C10orf90: variants seen among roughly 807,000 people sequenced by gnomAD.
The protein encoded by C10orf90 is (E2-independent) E3 ubiquitin-conjugating enzyme FATS.
In C10orf90, 56 loss-of-function variants were observed where a neutral mutation model predicts 62.5. That is an observed-to-expected ratio of 0.90 (90% CI 0.72 to 1.12). The LOEUF (loss-of-function observed/expected upper bound fraction) is 1.12, where lower values mean the gene tolerates loss of function less well. C10orf90 is among the 50% of genes most tolerant of loss of function. C10orf90 has a pLI of 0.00. For synonymous variants in C10orf90, 386 were observed against 340.4 expected (o/e 1.13, Z -1.47); for missense variants, 970 against 880.4 (o/e 1.10, Z -1.29).
At chr10:126,524,727 G>A (rs1421333749) in intron 2 of C10orf90, 4 of 985,546 alleles carry the variant, frequency 4.1e-6, no homozygotes, top group South Asian at 4.7e-5. Context: ...GGCAAGGAGT[G>A]CACGCACCTG....
intron 1 of C10orf90, among the ~76,000 whole-genome samples, chr10:126,649,538 C>T (rs1371883987): frequency 6.6e-6 from 1 of 152,172 alleles, no homozygotes; most frequent in Non-Finnish European, 1.5e-5. Context: ...CTTCCTGGTC[C>T]TTCTGGAGCT....
At chr10:126,557,900 C>T (rs1564870747) in intron 2 of C10orf90, among the ~76,000 whole-genome samples, 1 of 151,818 alleles carries the variant, frequency 6.6e-6, no homozygotes, top group Non-Finnish European at 1.5e-5. Flanking sequence ...ATGCCTCCTC[C>T]CGACTCCTCC....
At chr10:126,457,420 G>A (rs913447279) in intron 7 of C10orf90, among the ~76,000 whole-genome samples, 1 of 152,208 alleles carries the variant, frequency 6.6e-6, no homozygotes, top group East Asian at 1.9e-4. Flanking sequence ...GTGGCTGGCA[G>A]AATGGCACAG....
intron 4 of C10orf90, among the ~76,000 whole-genome samples, chr10:126,503,433 TACACGCAC>T (rs1196490072): frequency 2.0e-5 from 3 of 152,210 alleles, no homozygotes; most frequent in African/African-American, 7.2e-5. Flanking sequence ...ATAATTATTA[TACACGCAC>T]ACACGCACAC....
chr10:126,608,182 C>T (rs968242499), intron 2 of C10orf90, among the ~76,000 whole-genome samples: 4 of 152,194 alleles, frequency 2.6e-5, no homozygotes, highest in Admixed American at 6.5e-5. Context: ...CATCAGGGCT[C>T]ACTGCAGCCT....
At chr10:126,611,922 G>A (rs1488355562) in intron 2 of C10orf90, among the ~76,000 whole-genome samples, 1 of 152,142 alleles carries the variant, frequency 6.6e-6, no homozygotes, top group Non-Finnish European at 1.5e-5. Flanking sequence ...GTCCAATATG[G>A]TAACCACTAA....
At position 126,605,946 on chromosome 10, in the gene C10orf90, T is replaced by TCTAA. The variant is rs773274447; in HGVS notation, c.313+40618_313+40619insTTAG. 5.3e-5 allele frequency among the ~76,000 whole-genome samples: 8 copies of TCTAA among 152,230 alleles called. No individual in the cohort carries two copies. The South Asian group carries it at 1.2e-3, about 24-fold the overall frequency. ...GCAGCACTAAAAAAAGAAAAGACTG[T>TCTAA]CTGAAATATGATCCTTAAATTTAAC... On this transcript the variant is annotated intron_variant, in intron 2 of 9. Coordinates refer to ENST00000488181, the MANE Select transcript of C10orf90 (RefSeq NM_001350921.2).
intron 2 of C10orf90, among the ~76,000 whole-genome samples, chr10:126,517,684 G>A (rs930758383): frequency 1.3e-5 from 2 of 152,148 alleles, no homozygotes; most frequent in East Asian, 3.9e-4. Flanking sequence ...GGCCAAGGCA[G>A]GTGGATCATG....
intron 2 of C10orf90, among the ~76,000 whole-genome samples, chr10:126,639,479 C>G (rs1000509467): frequency 6.6e-6 from 1 of 152,136 alleles, no homozygotes; most frequent in African/African-American, 2.4e-5. Flanking sequence ...ACACCCATGG[C>G]GAGGTAGAAG....
intron 2 of C10orf90, among the ~76,000 whole-genome samples, chr10:126,646,138 T>C (rs1846166486): frequency 6.6e-6 from 1 of 152,228 alleles, no homozygotes; most frequent in Non-Finnish European, 1.5e-5. Flanking sequence ...CTAGCGTTTT[T>C]ACAGTTTAGT....
At chr10:126,634,426 T>C (rs963596719) in intron 2 of C10orf90, among the ~76,000 whole-genome samples, 1 of 152,126 alleles carries the variant, frequency 6.6e-6, no homozygotes, top group African/African-American at 2.4e-5. Context: ...GCAGAATTCA[T>C]AGAGTCAAAA....
intron 1 of C10orf90, among the ~76,000 whole-genome samples, chr10:126,668,292 C>G (rs571643522): frequency 2.0e-5 from 3 of 152,274 alleles, no homozygotes; most frequent in South Asian, 2.1e-4. Flanking sequence ...TCCCAGAGAC[C>G]CTGCTCATTT....
intron 2 of C10orf90, among the ~76,000 whole-genome samples, chr10:126,609,063 C>T (rs936569358): frequency 6.6e-6 from 1 of 152,166 alleles, no homozygotes; most frequent in Non-Finnish European, 1.5e-5. Flanking sequence ...TTCATCCTTT[C>T]CTGCCTCAGT....
At chr10:126,459,312 C>G in intron 6 of C10orf90, 95 bp from the exon 7 acceptor site, 1 of 1,448,266 alleles carries the variant, frequency 6.9e-7, no homozygotes, top group Admixed American at 1.9e-5. Flanking sequence ...ATGGCAAGCA[C>G]AACACTCAGA....
intron 4 of C10orf90, among the ~76,000 whole-genome samples, chr10:126,499,253 C>A (rs1380956378): frequency 6.6e-6 from 1 of 152,158 alleles, no homozygotes; most frequent in Admixed American, 6.5e-5. Flanking sequence ...ATGGCAGGCC[C>A]CATCTCCACT....
At chr10:126,428,466 C>T (rs1000325364) in intron 8 of C10orf90, among the ~76,000 whole-genome samples, 30 of 152,264 alleles carry the variant, frequency 2.0e-4, no homozygotes, top group African/African-American at 7.0e-4. Flanking sequence ...TCAGAGCCCA[C>T]CCAAAGTACA....
chr10:126,579,611 C>G (rs898345133), intron 2 of C10orf90, among the ~76,000 whole-genome samples: 2 of 152,122 alleles, frequency 1.3e-5, no homozygotes, highest in African/African-American at 4.8e-5. Context: ...CCATTTGAAA[C>G]TTGTAAAAAG....
At chr10:126,650,176 G>A (rs985046130) in intron 1 of C10orf90, among the ~76,000 whole-genome samples, 1 of 152,136 alleles carries the variant, frequency 6.6e-6, no homozygotes, top group Admixed American at 6.5e-5. Context: ...TTACTACTCC[G>A]AGGGAGAGCC....
At chr10:126,525,436 G>A (rs915334326) in intron 2 of C10orf90, among the ~76,000 whole-genome samples, 2 of 152,144 alleles carry the variant, frequency 1.3e-5, no homozygotes, top group Admixed American at 6.5e-5. Flanking sequence ...TGGGACTGTG[G>A]GGCTTCTTGT....
Sources: gnomAD v4.1 joint callset for allele counts (sites outside exome capture counted in the v4.1 genomes callset) on GRCh38, gnomAD v4.1.1 for gene constraint, MANE v1.5 for transcripts, NCBI Gene and HGNC (gene_info 2026-07-23, HGNC 2026-07-21) for gene names.